TNKS: variants seen among roughly 807,000 people sequenced by gnomAD.
The protein encoded by TNKS is tankyrase.
In TNKS, 72 loss-of-function variants were observed where a neutral mutation model predicts 135.8. The ratio of observed to expected loss-of-function variants is 0.53; its 90% CI spans 0.44 to 0.64. The LOEUF (loss-of-function observed/expected upper bound fraction) is 0.64, where lower values mean the gene tolerates loss of function less well. TNKS is among the 30% of genes least tolerant of loss of function. TNKS has a pLI of 0.00. For synonymous variants in TNKS, 849 were observed against 649.3 expected (o/e 1.31, Z -4.68); for missense variants, 1,769 against 1,674.0 (o/e 1.06, Z -0.99).
At chr8:9,575,391 A>G in intron 1 of TNKS, 3 of 985,364 alleles carry the variant, frequency 3.0e-6, no homozygotes, top group Non-Finnish European at 3.6e-6. Flanking sequence ...ATTTTTTAAG[A>G]GGAACAAGGT....
intron 2 of TNKS, 150 bp from the exon 3 acceptor site, chr8:9,615,432 G>A (rs1799603400): frequency 3.6e-6 from 2 of 548,646 alleles, no homozygotes; most frequent in East Asian, 6.4e-5. Flanking sequence ...CTTTGCTGCA[G>A]TGCTTTTTTG....
chr8:9,577,534 G>C (rs1470352050), intron 1 of TNKS, among the ~76,000 whole-genome samples: 1 of 152,130 alleles, frequency 6.6e-6, no homozygotes, highest in Non-Finnish European at 1.5e-5. Context: ...TATGGTCAGG[G>C]AAGGAGGCAG....
intron 22 of TNKS, among the ~76,000 whole-genome samples, chr8:9,764,298 T>C (rs556475901): frequency 3.2e-4 from 48 of 152,208 alleles, no homozygotes; most frequent in Non-Finnish European, 5.3e-4. Flanking sequence ...AGCTGAAGAC[T>C]ATTGAGATAA....
At chr8:9,572,726 A>G (rs1049461704) in intron 1 of TNKS, among the ~76,000 whole-genome samples, 4 of 152,232 alleles carry the variant, frequency 2.6e-5, no homozygotes, top group African/African-American at 9.6e-5. Context: ...TGCCTCCTGC[A>G]CATCAGCCAA....
intron 3 of TNKS, among the ~76,000 whole-genome samples, chr8:9,622,173 A>G (rs1799891491): frequency 6.6e-6 from 1 of 152,218 alleles, no homozygotes; most frequent in African/African-American, 2.4e-5. Flanking sequence ...CTTTTAAAAA[A>G]GATTATATCT....
At position 9,777,558 on chromosome 8, in the gene TNKS, T is replaced by C. The variant is rs1808284579; in HGVS notation, c.*822T>C. ...CCTGCCACAGAGGTCTTCGGGACAG[T>C]ACTGGAGATGCAGGTTGACACGGGC... On this transcript the variant is annotated 3_prime_UTR_variant, in exon 27 of 27. Transcript: ENST00000310430. The C allele has an allele frequency of 6.6e-6, 1 of 152,202 alleles. No individual in the cohort carries two copies. The highest frequency in any genetic ancestry group is 6.5e-5 in the Admixed American group (1 of 15,268). The allele number at this position is 152,202 out of a possible 1,614,324, so 9.4% of individuals were successfully genotyped here. A position where few individuals can be genotyped will look rare whatever the true frequency, so the allele number is the denominator to read the frequency against.
rs1394763986 is a variant in TNKS, at chr8:9,615,686, A to G, written c.994+9A>G. On this transcript the variant is annotated intron_variant, in intron 3 of 26. Coordinates refer to ENST00000310430, the MANE Select transcript of TNKS (RefSeq NM_003747.3). ...AAAAGCTGTCCTTACAGGTAAGAAG[A>G]CAGAGAGCTACCGAATGATTATATC... The G allele has an allele frequency of 4.4e-6, 7 of 1,597,370 alleles. No individual in the cohort carries two copies. Among genetic ancestry groups the G allele is most frequent in the Non-Finnish European group, 6.0e-6 (7 of 1,168,084 alleles).
intron 3 of TNKS, among the ~76,000 whole-genome samples, chr8:9,621,141 A>G (rs1460937111): frequency 1.3e-5 from 2 of 152,174 alleles, no homozygotes; most frequent in African/African-American, 2.4e-5. Context: ...ACATAAGTGC[A>G]TTTTAAAAAT....
chr8:9,726,657 T>C lies in TNKS; in HGVS notation c.1938T>C (p.Arg646=), dbSNP rs1805178914. Residue 646 remains arginine (R), a synonymous_variant, in exon 13 of 27, where the codon CGT becomes CGC. Transcript: ENST00000310430. ...TTTATGCAGAGAGTACACCTATACG[T>C]ACTTCTGATGTTGATTATCGACTCT... ...QQILSESTPI[R]TSDVDYRLLE... 6.2e-7 allele frequency: 1 copy of C among 1,613,332 alleles called. No homozygotes were observed. Among genetic ancestry groups the C allele is most frequent in the Admixed American group, 1.7e-5 (1 of 59,994 alleles).
At chr8:9,598,755 A>ATGTGTG (rs1220199241) in intron 2 of TNKS, among the ~76,000 whole-genome samples, 6 of 71,406 alleles carry the variant, frequency 8.4e-5, no homozygotes, top group Non-Finnish European at 1.4e-4. Context: ...ATATATGTAT[A>ATGTGTG]TGTGTGTGTG....
chr8:9,694,471 T>C (rs978042068), intron 5 of TNKS, among the ~76,000 whole-genome samples: 1 of 152,010 alleles, frequency 6.6e-6, no homozygotes, highest in East Asian at 1.9e-4. Context: ...TTTCAAAAAG[T>C]ATTGTCCAGG....
chr8:9,648,722 T>C (rs532028208), intron 3 of TNKS, among the ~76,000 whole-genome samples: 2 of 152,318 alleles, frequency 1.3e-5, no homozygotes, highest in South Asian at 4.2e-4. Context: ...ATTAATGTTA[T>C]GGGACTACTG....
At chr8:9,652,261 T>A (rs986172835) in intron 3 of TNKS, among the ~76,000 whole-genome samples, 20 of 152,214 alleles carry the variant, frequency 1.3e-4, no homozygotes, top group Admixed American at 1.3e-3. Flanking sequence ...AGTGGATATT[T>A]ACTCCTGGTA....
rs916288651 is a variant in TNKS, at chr8:9,713,714, A to C, written c.1749+3494A>C. Among the ~76,000 whole-genome samples, 12 of 152,332 alleles carry C rather than the reference A, an allele frequency of 7.9e-5. 1 individual carries two copies. Among genetic ancestry groups the C allele is most frequent in the African/African-American group, 2.9e-4 (12 of 41,584 alleles). ...TATCAATTGCTATCAGTAGATATCAAATGCCGTAGCAACTCCTATTTACCC... is the reference window on the plus strand; with the variant it reads ...TATCAATTGCTATCAGTAGATATCACATGCCGTAGCAACTCCTATTTACCC... On this transcript the variant is annotated intron_variant, in intron 11 of 26. Transcript: ENST00000310430.
chr8:9,745,168 T>G (rs1012894375), intron 17 of TNKS, among the ~76,000 whole-genome samples: 1 of 152,214 alleles, frequency 6.6e-6, no homozygotes, highest in Non-Finnish European at 1.5e-5. Flanking sequence ...TTTCAACATA[T>G]AGCCTTTGAA....
intron 1 of TNKS, among the ~76,000 whole-genome samples, chr8:9,564,064 A>G: frequency 6.6e-6 from 1 of 152,184 alleles, no homozygotes; most frequent in Non-Finnish European, 1.5e-5. Context: ...TAAATTATGA[A>G]ACATCATCAT....
At chr8:9,646,630 A>C (rs1485797450) in intron 3 of TNKS, among the ~76,000 whole-genome samples, 5 of 152,186 alleles carry the variant, frequency 3.3e-5, no homozygotes, top group Non-Finnish European at 4.4e-5. Flanking sequence ...AACTCATGGA[A>C]TCTCAAGGTT....
At chr8:9,759,788 C>G (rs1807044232) in intron 20 of TNKS, among the ~76,000 whole-genome samples, 1 of 152,010 alleles carries the variant, frequency 6.6e-6, no homozygotes, top group Non-Finnish European at 1.5e-5. Flanking sequence ...TCCTGGCTAA[C>G]ACGGTGAAAC....
At chr8:9,745,617 A>T (rs1414255364) in intron 17 of TNKS, among the ~76,000 whole-genome samples, 1 of 151,988 alleles carries the variant, frequency 6.6e-6, no homozygotes, top group African/African-American at 2.4e-5. Flanking sequence ...GTTGGCCAGG[A>T]TGGTCTCAAA....
Sources: gnomAD v4.1 joint callset for allele counts (sites outside exome capture counted in the v4.1 genomes callset) on GRCh38, gnomAD v4.1.1 for gene constraint, MANE v1.5 for transcripts, NCBI Gene and HGNC (gene_info 2026-07-23, HGNC 2026-07-21) for gene names.